Variants in PPP4R4 observed in about 807,000 individuals in gnomAD.
PPP4R4 encodes the protein serine/threonine-protein phosphatase 4 regulatory subunit 4.
Under a neutral mutation model 121.8 loss-of-function variants are expected in PPP4R4, and 70 were observed. The observed-to-expected ratio is 0.57, with a 90% CI of 0.47 to 0.70. PPP4R4 has a LOEUF of 0.70. Ranked by LOEUF, PPP4R4 falls within the 30% of genes least tolerant of loss-of-function variation. The probability of loss-of-function intolerance (pLI) is 0.00; values close to 1 mark genes in which losing one functional copy is unlikely to be tolerated. For missense variants in PPP4R4, 875 were observed against 1,033.6 expected (o/e 0.85, Z 2.10); for synonymous variants, 348 against 355.7 (o/e 0.98, Z 0.24).
intron 2 of PPP4R4, among the ~76,000 whole-genome samples, chr14:94,182,104 A>G (rs1404027274): frequency 6.6e-6 from 1 of 152,070 alleles, no homozygotes; most frequent in African/African-American, 2.4e-5. Flanking sequence ...CTCCTTTCCA[A>G]GTGTGCTCTG....
Position 94,234,546 on chromosome 14 carries a change from T to C in PPP4R4, c.624-16T>C, listed in dbSNP as rs746977852. On this transcript the variant is annotated splice_polypyrimidine_tract_variant and intron_variant, in intron 6 of 24. Coordinates refer to ENST00000304338, the MANE Select transcript of PPP4R4 (RefSeq NM_058237.2). ...ACACTCATTCATTTGCATGTTTCTT[T>C]TCTCCCCACCTTCAGCATTAAGCGA... 6.7e-7 allele frequency: 1 copy of C among 1,484,162 alleles called. No individual in the cohort carries two copies. The highest frequency in any genetic ancestry group is 9.4e-7 in the Non-Finnish European group (1 of 1,067,146). 91.9% of individuals were successfully genotyped at this position (1,484,162 alleles called of 1,614,324 possible). A position where few individuals can be genotyped will look rare whatever the true frequency, so the allele number is the denominator to read the frequency against.
chr14:94,176,302 T>C (rs1356308874), intron 2 of PPP4R4, among the ~76,000 whole-genome samples, 175 bp downstream of exon 2: 2 of 152,244 alleles, frequency 1.3e-5, no homozygotes, highest in African/African-American at 4.8e-5. Context: ...TATGGACTTA[T>C]GACTTTGAGA....
intron 3 of PPP4R4, chr14:94,227,271 T>G: frequency 6.3e-7 from 1 of 1,591,808 alleles, no homozygotes; most frequent in Non-Finnish European, 8.6e-7. Context: ...AATTTACTTT[T>G]CAGTGTCTTC....
intron 7 of PPP4R4, 79 bp downstream of exon 7, chr14:94,234,748 T>C (rs578071083): frequency 2.0e-6 from 2 of 991,362 alleles, no homozygotes; most frequent in East Asian, 2.5e-5. Flanking sequence ...TTAAAAATGA[T>C]CATAACAAGT....
At chr14:94,264,560 A>G (rs1393957538) in intron 19 of PPP4R4, among the ~76,000 whole-genome samples, 1 of 152,202 alleles carries the variant, frequency 6.6e-6, no homozygotes, top group Non-Finnish European at 1.5e-5. Flanking sequence ...ACCAATCTGA[A>G]ATTGAAACGA....
intron 3 of PPP4R4, among the ~76,000 whole-genome samples, chr14:94,209,904 A>G (rs1424749295): frequency 1.3e-5 from 2 of 152,138 alleles, no homozygotes; most frequent in Admixed American, 6.6e-5. Context: ...ATATGCAAGA[A>G]TAAAAGATGA....
rs1291781961 is a variant in PPP4R4, at chr14:94,244,699, A to G, written c.1331A>G (p.Asp444Gly). ...IHKELITLLQ[D>G]ESLEVLDALI... The stretch of plus-strand genomic sequence containing the variant: ...AAAGAACTAATAACATTATTACAAG[A>G]TGAATCACTGGAGGTAATATTTTCT... Residue 444 changes from aspartate to glycine, a missense_variant, in exon 12 of 25, where the codon GAT becomes GGT. Asp to Gly is a moderately conservative substitution (Grantham distance 94). Coordinates refer to ENST00000304338, the MANE Select transcript of PPP4R4 (RefSeq NM_058237.2). 1.3e-6 allele frequency: 2 copies of G among 1,497,776 alleles called. No homozygotes were observed. The highest frequency in any genetic ancestry group is 1.8e-6 in the Non-Finnish European group (2 of 1,107,558). The allele number at this position is 1,497,776 out of a possible 1,614,324, so 92.8% of individuals were successfully genotyped here. A position where few individuals can be genotyped will look rare whatever the true frequency, so the allele number is the denominator to read the frequency against.
At chr14:94,229,845 T>TTC (rs558092469) in intron 3 of PPP4R4, among the ~76,000 whole-genome samples, 1 of 152,130 alleles carries the variant, frequency 6.6e-6, no homozygotes. Flanking sequence ...CACACACACT[T>TTC]TCTCTCTCTA....
Position 94,265,904 on chromosome 14 carries a change from C to A in PPP4R4, c.2378+17C>A. 2.1e-6 allele frequency: 3 copies of A among 1,455,538 alleles called. No homozygotes were observed. The highest frequency in any genetic ancestry group is 1.3e-5 in the South Asian group (1 of 78,980). 90.2% of individuals were successfully genotyped at this position (1,455,538 alleles called of 1,614,324 possible). ...ATGTGCTAGGTACGATCTGTAAGCCCTTCAATTTTTAACATAATTTTTATC... is the reference window on the plus strand; with the variant it reads ...ATGTGCTAGGTACGATCTGTAAGCCATTCAATTTTTAACATAATTTTTATC... On this transcript the variant is annotated intron_variant, in intron 22 of 24. Transcript: ENST00000304338.
At position 94,246,528 on chromosome 14, in the gene PPP4R4, A is replaced by G. The variant is rs555983131; in HGVS notation, c.1600A>G (p.Met534Val). The G allele has an allele frequency of 6.2e-7, 1 of 1,612,040 alleles. No homozygotes were observed. Among genetic ancestry groups the G allele is most frequent in the South Asian group, 1.1e-5 (1 of 90,796 alleles). ...YRFLQRMFTI[M>V]MTNNVLPVQK... is the part of the protein sequence containing the mutation. ...TTTCTTACAAAGAATGTTCACAATC[A>G]TGATGACAAATGTGAGCTCAGTACC... Residue 534 changes from methionine (M) to valine (V), a missense_variant, in exon 14 of 25, where the codon ATG becomes GTG. Transcript: ENST00000304338.
At chr14:94,178,264 C>T (rs1888787213) in intron 2 of PPP4R4, among the ~76,000 whole-genome samples, 1 of 151,644 alleles carries the variant, frequency 6.6e-6, no homozygotes, top group South Asian at 2.1e-4. Flanking sequence ...TCCTTTTTTC[C>T]GTCTGTCATT....
chr14:94,184,829 T>C (rs1347391021), intron 2 of PPP4R4, among the ~76,000 whole-genome samples: 2 of 152,194 alleles, frequency 1.3e-5, no homozygotes, highest in African/African-American at 4.8e-5. Context: ...TAGAATGTAA[T>C]TTTCCCTCCA....
intron 2 of PPP4R4, among the ~76,000 whole-genome samples, chr14:94,179,341 A>G (rs1180323868): frequency 6.6e-6 from 1 of 152,116 alleles, no homozygotes; most frequent in Non-Finnish European, 1.5e-5. Context: ...TTTGTGACTG[A>G]CTTCTTTCAC....
chr14:94,208,456 T>C lies in PPP4R4; in HGVS notation c.192-8T>C, dbSNP rs778841195. ...TTATAAATTTTAAATTTGTGTTTTC[T>C]TTGTAAGTGCTGGTCAAGATGTCCA... On this transcript the variant is annotated splice_region_variant and splice_polypyrimidine_tract_variant and intron_variant, in intron 2 of 24. Coordinates refer to ENST00000304338, the MANE Select transcript of PPP4R4 (RefSeq NM_058237.2). 6.3e-7 allele frequency: 1 copy of C among 1,593,084 alleles called. No individual in the cohort carries two copies. The highest frequency in any genetic ancestry group is 1.1e-5 in the South Asian group (1 of 89,920).
intron 11 of PPP4R4, among the ~76,000 whole-genome samples, chr14:94,242,912 A>G (rs1469864605): frequency 6.6e-6 from 1 of 152,184 alleles, no homozygotes; most frequent in Non-Finnish European, 1.5e-5. Flanking sequence ...TAACTTTTTA[A>G]CCCTTGAAGT....
At position 94,233,722 on chromosome 14, in the gene PPP4R4, A is replaced by G. The variant is rs773107447; in HGVS notation, c.586A>G (p.Ile196Val). The stretch of plus-strand genomic sequence containing the variant: ...CCAGTCTCGTTTAGTTAGTTGTAAA[A>G]TTTTAGGAAAATTGACCAACAAATT... ...TVQSRLVSCK[I>V]LGKLTNKFDA... Residue 196 changes from isoleucine (I) to valine (V), a missense_variant, in exon 6 of 25, where the codon ATT becomes GTT. Transcript: ENST00000304338. 4 of 1,603,260 alleles carry G rather than the reference A, an allele frequency of 2.5e-6. No individual in the cohort carries two copies. The highest frequency in any genetic ancestry group is 3.4e-6 in the Non-Finnish European group (4 of 1,171,668).
chr14:94,248,302 T>C (rs989203280), intron 14 of PPP4R4, among the ~76,000 whole-genome samples: 15 of 151,964 alleles, frequency 9.9e-5, no homozygotes, highest in Non-Finnish European at 1.8e-4. Context: ...AAGAATGCAA[T>C]CCCAATTTTA....
chr14:94,180,893 G>A (rs1888948082), intron 2 of PPP4R4, among the ~76,000 whole-genome samples: 1 of 151,930 alleles, frequency 6.6e-6, no homozygotes, highest in South Asian at 2.1e-4. Flanking sequence ...TGAGATTTCT[G>A]CAGTCAAATC....
intron 15 of PPP4R4, 97 bp from the exon 16 acceptor site, chr14:94,251,652 A>G (rs1893184060): frequency 1.3e-5 from 12 of 926,920 alleles, no homozygotes; most frequent in Non-Finnish European, 1.4e-5. Flanking sequence ...AATTGTGGGT[A>G]TGAAGAAACT....
Sources: gnomAD v4.1 joint callset for allele counts (sites outside exome capture counted in the v4.1 genomes callset) on GRCh38, gnomAD v4.1.1 for gene constraint, MANE v1.5 for transcripts, NCBI Gene and HGNC (gene_info 2026-07-23, HGNC 2026-07-21) for gene names.